Variants in DNAH6 observed in about 807,000 individuals in gnomAD.
DNAH6 encodes dynein axonemal heavy chain 6.
DNAH6 carries 340 observed loss-of-function variants against 491.4 expected under a neutral mutation model. The observed-to-expected ratio is 0.69, with a 90% CI of 0.63 to 0.76. The LOEUF is 0.76. DNAH6 is among the 30% of genes least tolerant of loss of function. DNAH6 has a pLI of 0.00. For synonymous variants in DNAH6, 1,603 were observed against 1,686.1 expected, an observed-to-expected ratio of 0.95 and a Z score of 1.21; for missense variants, 4,443 against 4,972.2, an observed-to-expected ratio of 0.89 and a Z score of 3.20.
In DNAH6 at chr2:84,595,717, A is replaced by G; in HGVS notation, c.2796A>G (p.Gln932=). The stretch of plus-strand genomic sequence containing the variant: ...CTAAATATGCTAAATTTGTGACTCA[A>G]CTGGAAAAAGGCTTGCCACCCAACA... The part of the protein sequence containing the change: ...QVSKYAKFVT[Q]LEKGLPPNSV... Residue 932 remains glutamine, a synonymous_variant, in exon 18 of 77, where the codon CAA becomes CAG. Coordinates refer to ENST00000389394, the MANE Select transcript of DNAH6 (RefSeq NM_001370.2). The G allele has an allele frequency of 6.4e-7, 1 of 1,551,512 alleles. No homozygotes were observed. Among genetic ancestry groups the G allele is most frequent in the South Asian group, 1.2e-5 (1 of 83,988 alleles).
At chr2:84,496,796 A>G in the DNAH6 span, among the ~76,000 whole-genome samples, 2 of 152,074 alleles carry the variant, frequency 1.3e-5, no homozygotes, top group Non-Finnish European at 2.9e-5. Context: ...GTAACCACCA[A>G]AGTTACCAAG....
chr2:84,467,974 A>G, the DNAH6 span, among the ~76,000 whole-genome samples: 1 of 152,122 alleles, frequency 6.6e-6, no homozygotes. Flanking sequence ...TTTTATCAAT[A>G]ATTTTTAATA....
intron 41 of DNAH6, among the ~76,000 whole-genome samples, chr2:84,680,763 G>T (rs1693704644): frequency 6.6e-6 from 1 of 152,040 alleles, no homozygotes; most frequent in African/African-American, 2.4e-5. Flanking sequence ...GGCCAGGATG[G>T]GGTGATGTCC....
At chr2:84,530,230 A>G (rs1677031720) in intron 4 of DNAH6, among the ~76,000 whole-genome samples, 1 of 152,188 alleles carries the variant, frequency 6.6e-6, no homozygotes, top group African/African-American at 2.4e-5. Flanking sequence ...CTAAAATGTG[A>G]TAAGTATTGG....
chr2:84,621,151 C>T, intron 24 of DNAH6, 40 bp from the exon 25 acceptor site: 1 of 1,545,778 alleles, frequency 6.5e-7, no homozygotes, highest in East Asian at 2.4e-5. Context: ...CTTACAAGTC[C>T]CACACAAGCC....
the DNAH6 span, among the ~76,000 whole-genome samples, chr2:84,480,701 G>C: frequency 3.3e-5 from 5 of 152,158 alleles, no homozygotes; most frequent in African/African-American, 9.7e-5. Flanking sequence ...GGTGGCTCAC[G>C]CCTGTAATCC....
At chr2:84,610,182 C>T (rs190036120) in intron 21 of DNAH6, among the ~76,000 whole-genome samples, 24 of 152,256 alleles carry the variant, frequency 1.6e-4, no homozygotes, top group Admixed American at 1.4e-3. Flanking sequence ...CAGCTAGAGG[C>T]CATCCTCAGC....
chr2:84,748,302 A>G (rs1673159002), intron 63 of DNAH6, among the ~76,000 whole-genome samples: 1 of 152,218 alleles, frequency 6.6e-6, no homozygotes, highest in Non-Finnish European at 1.5e-5. Context: ...TCGCAACTTT[A>G]AGTCATTTCT....
chr2:84,476,467 G>A, the DNAH6 span, among the ~76,000 whole-genome samples: 6 of 152,158 alleles, frequency 3.9e-5, no homozygotes, highest in Non-Finnish European at 7.4e-5. Context: ...AGTTGGAACC[G>A]ACGGGCTAGT....
At chr2:84,728,706 T>A (rs1227794398) in intron 61 of DNAH6, among the ~76,000 whole-genome samples, 2 of 152,156 alleles carry the variant, frequency 1.3e-5, no homozygotes, top group Non-Finnish European at 2.9e-5. Flanking sequence ...CAAAATGACT[T>A]GATTGTCGCC....
chr2:84,518,347 A>G (rs1675791235), intron 2 of DNAH6, among the ~76,000 whole-genome samples: 1 of 152,202 alleles, frequency 6.6e-6, no homozygotes, highest in Non-Finnish European at 1.5e-5. Context: ...AGGCACTTTT[A>G]GATATTAGGG....
intron 62 of DNAH6, among the ~76,000 whole-genome samples, chr2:84,734,083 A>G (rs1349729023): frequency 6.6e-6 from 1 of 151,582 alleles, no homozygotes; most frequent in Admixed American, 6.6e-5. Flanking sequence ...CTGAATTATA[A>G]CATTCTGTAT....
chr2:84,727,538 A>G (rs548540253), intron 60 of DNAH6, 131 bp from the exon 61 acceptor site: 16 of 630,410 alleles, frequency 2.5e-5, no homozygotes, highest in African/African-American at 2.0e-4. Context: ...TATTGGGCAC[A>G]TTGAGGACTT....
intron 33 of DNAH6, among the ~76,000 whole-genome samples, chr2:84,642,548 A>G (rs1293694049): frequency 6.6e-6 from 1 of 152,106 alleles, no homozygotes; most frequent in East Asian, 1.9e-4. Flanking sequence ...TCTTTTATTT[A>G]TTTATTCTGC....
chr2:84,610,264 A>G (rs1686197180), intron 21 of DNAH6, among the ~76,000 whole-genome samples: 1 of 152,172 alleles, frequency 6.6e-6, no homozygotes, highest in African/African-American at 2.4e-5. Context: ...GCATCAATCT[A>G]GCAAGGAAGA....
chr2:84,676,292 T>C (rs1693228761), intron 40 of DNAH6, among the ~76,000 whole-genome samples: 1 of 152,234 alleles, frequency 6.6e-6, no homozygotes. Flanking sequence ...CGCAGTCTAC[T>C]TGAGACCACA....
rs1688702085 is a variant in DNAH6, at chr2:84,634,577, A to T, written c.4589A>T (p.Asp1530Val). ...TGCTTTGATGAATTTAATCGAATTG[A>T]CATAGAAGTTCTGTCCGTCATCGCG... The part of the protein sequence containing the change: ...WCCFDEFNRI[D>V]IEVLSVIAQQ... Residue 1530 changes from aspartate to valine, a missense_variant, in exon 30 of 77, where the codon GAC becomes GTC. Asp to Val is a radical substitution (Grantham distance 152, BLOSUM62 -3). Transcript: ENST00000389394. 1.7e-5 allele frequency: 27 copies of T among 1,550,670 alleles called. No homozygotes were observed. The highest frequency in any genetic ancestry group is 2.4e-5 in the Non-Finnish European group (27 of 1,146,560).
chr2:84,672,289 A>G (rs1490208252), intron 39 of DNAH6, 38 bp from the exon 40 acceptor site: 1 of 1,534,850 alleles, frequency 6.5e-7, no homozygotes, highest in East Asian at 2.5e-5. Context: ...CTAAGGGAAA[A>G]TCATAATTCT....
In DNAH6 at chr2:84,718,220, G is replaced by T. The variant is rs1365158004; in HGVS notation, c.9628G>T (p.Glu3210Ter). 15 of 1,533,960 alleles carry T rather than the reference G, an allele frequency of 9.8e-6. No homozygotes were observed. The highest frequency in any genetic ancestry group is 1.3e-5 in the Non-Finnish European group (15 of 1,139,940). The change falls in exon 59 of 77, where the codon GAA becomes TAA. Residue 3210 changes from glutamate to a stop codon, truncating the protein, a stop_gained. Transcript: ENST00000389394. LOFTEE classifies it high-confidence loss of function. ...DQLLSDVVRL[E>*]KPRLEEQRIK... is the part of the protein sequence containing the mutation. ...TGGTTTTAGTGATGTGGTGCGACTT[G>T]AAAAACCCAGGTTGGAAGAACAAAG...
Sources: gnomAD v4.1 joint callset for allele counts (sites outside exome capture counted in the v4.1 genomes callset) on GRCh38, gnomAD v4.1.1 for gene constraint, MANE v1.5 for transcripts, NCBI Gene and HGNC (gene_info 2026-07-23, HGNC 2026-07-21) for gene names.